SOX6: variants seen among roughly 807,000 people sequenced by gnomAD.
The protein encoded by SOX6 is SRY-box transcription factor 6.
Under a neutral mutation model 97.8 loss-of-function variants are expected in SOX6, and 11 were observed. The observed-to-expected ratio is 0.11, with a 90% confidence interval of 0.07 to 0.19. The LOEUF (loss-of-function observed/expected upper bound fraction) is 0.19, where lower values mean the gene tolerates loss of function less well. SOX6 is among the 10% of genes least tolerant of loss of function. The probability of loss-of-function intolerance (pLI) is 1.00; values close to 1 mark genes in which losing one functional copy is unlikely to be tolerated. For missense variants in SOX6, 810 were observed against 1,039.5 expected (o/e 0.78, Z 3.04); for synonymous variants, 360 against 371.4 (o/e 0.97, Z 0.35).
At chr11:16,406,472 T>C (rs949689081) in intron 1 of SOX6, among the ~76,000 whole-genome samples, 3 of 152,126 alleles carry the variant, frequency 2.0e-5, no homozygotes, top group African/African-American at 7.2e-5. Flanking sequence ...ACTGGTATAA[T>C]TCAACTCTGC....
At chr11:16,155,037 C>T (rs1364520781) in intron 6 of SOX6, among the ~76,000 whole-genome samples, 1 of 150,854 alleles carries the variant, frequency 6.6e-6, no homozygotes. Context: ...GAGTGTGGGT[C>T]AGACTGATTG....
intron 3 of SOX6, among the ~76,000 whole-genome samples, chr11:16,693,565 T>G (rs1848031660): frequency 6.6e-6 from 1 of 152,132 alleles, no homozygotes; most frequent in African/African-American, 2.4e-5. Context: ...AAGCTTTAAC[T>G]TTTCATGGAA....
intron 13 of SOX6, among the ~76,000 whole-genome samples, chr11:16,005,759 T>G (rs950214281): frequency 3.9e-5 from 6 of 152,064 alleles, no homozygotes. Context: ...TTGAACATAT[T>G]TCTTATGAAA....
chr11:16,500,908 C>A (rs1330243263), intron 4 of SOX6, among the ~76,000 whole-genome samples: 1 of 152,090 alleles, frequency 6.6e-6, no homozygotes, highest in Non-Finnish European at 1.5e-5. Context: ...AGATTCAATG[C>A]TATCCCCATC....
At chr11:16,024,837 T>G (rs936468616) in intron 12 of SOX6, among the ~76,000 whole-genome samples, 1 of 152,056 alleles carries the variant, frequency 6.6e-6, no homozygotes, top group African/African-American at 2.4e-5. Context: ...TTCAAAAACA[T>G]TCTCCAATGA....
chr11:16,125,097 A>C (rs1322787027), intron 6 of SOX6, among the ~76,000 whole-genome samples: 3 of 152,098 alleles, frequency 2.0e-5, no homozygotes, highest in Non-Finnish European at 2.9e-5. Context: ...GACTGACTAA[A>C]ATATGATCTT....
intron 4 of SOX6, among the ~76,000 whole-genome samples, chr11:16,232,974 C>T (rs1006263439): frequency 1.3e-5 from 2 of 151,738 alleles, no homozygotes; most frequent in African/African-American, 2.4e-5. Flanking sequence ...CCACTGGTTT[C>T]GATACATAAT....
intron 6 of SOX6, among the ~76,000 whole-genome samples, chr11:16,151,282 CAG>C (rs1850451628): frequency 6.6e-6 from 1 of 152,088 alleles, no homozygotes; most frequent in Admixed American, 6.6e-5. Context: ...ATTTGCCTCT[CAG>C]AGCTGACAAT....
At chr11:16,309,483 A>G (rs1287958229) in intron 3 of SOX6, among the ~76,000 whole-genome samples, 1 of 152,144 alleles carries the variant, frequency 6.6e-6, no homozygotes, top group Admixed American at 6.5e-5. Flanking sequence ...TTAGCGACCG[A>G]TTGGAAACTA....
intron 12 of SOX6, among the ~76,000 whole-genome samples, chr11:16,015,701 T>C (rs1361682291): frequency 1.3e-5 from 2 of 151,998 alleles, no homozygotes; most frequent in Non-Finnish European, 2.9e-5. Flanking sequence ...TCACCAGTTC[T>C]TCTAGGAGTA....
chr11:16,142,471 C>A (rs2134041533), intron 6 of SOX6, among the ~76,000 whole-genome samples: 1 of 152,280 alleles, frequency 6.6e-6, no homozygotes, highest in South Asian at 2.1e-4. Flanking sequence ...GAACACAGCT[C>A]CTCACCAGCA....
chr11:16,551,480 C>T (rs1176022158), intron 4 of SOX6, among the ~76,000 whole-genome samples: 1 of 152,110 alleles, frequency 6.6e-6, no homozygotes, highest in Non-Finnish European at 1.5e-5. Context: ...CTCCAATCTA[C>T]AAGTCACACA....
At chr11:16,597,966 T>G (rs904571001) in intron 4 of SOX6, among the ~76,000 whole-genome samples, 36 of 152,010 alleles carry the variant, frequency 2.4e-4, no homozygotes, top group African/African-American at 8.7e-4. Context: ...GCTATTTCTA[T>G]TTTACATAAG....
intron 3 of SOX6, among the ~76,000 whole-genome samples, chr11:16,701,136 T>C (rs1394320645): frequency 6.6e-6 from 1 of 152,218 alleles, no homozygotes; most frequent in African/African-American, 2.4e-5. Flanking sequence ...CTATAATCAT[T>C]ACCATTCATA....
chr11:16,684,974 G>C (rs181708305), intron 3 of SOX6, among the ~76,000 whole-genome samples: 7 of 152,088 alleles, frequency 4.6e-5, no homozygotes, highest in African/African-American at 1.7e-4. Flanking sequence ...CAAGAGGTGC[G>C]TAAGGTGCCA....
rs750132959 is a variant in SOX6 at position 16,132,279 on chromosome 11, GA to G, written c.778-20357del. ...AGAAAGAAAGAAAGAAGGAAGGAAG[GA>G]AGGAAGGAAGGAAGGAAGGAAGGAA... On this transcript the variant is annotated intron_variant, in intron 6 of 15. Coordinates refer to ENST00000683767, the MANE Select transcript of SOX6 (RefSeq NM_001367873.1). 8.0e-3 allele frequency among the ~76,000 whole-genome samples: 211 copies of G among 26,398 alleles called. 2 individuals are homozygous for G. Among genetic ancestry groups the G allele is most frequent in the Middle Eastern group, 0.025 (1 of 40 alleles). 17.3% of individuals were successfully genotyped at this position (26,398 alleles called of 152,430 possible).
At chr11:16,483,372 A>G (rs1360365080) in intron 4 of SOX6, among the ~76,000 whole-genome samples, 4 of 152,174 alleles carry the variant, frequency 2.6e-5, no homozygotes, top group African/African-American at 9.6e-5. Context: ...TCACAAAAGC[A>G]CTTTTTATTT....
chr11:16,363,338 T>G (rs936859416), intron 1 of SOX6, among the ~76,000 whole-genome samples: 1 of 152,138 alleles, frequency 6.6e-6, no homozygotes, highest in Non-Finnish European at 1.5e-5. Flanking sequence ...ATCTGAAAAT[T>G]TTTGAGCTCT....
chr11:16,391,349 G>C (rs542854222), intron 1 of SOX6, among the ~76,000 whole-genome samples: 15 of 152,170 alleles, frequency 9.9e-5, no homozygotes, highest in African/African-American at 3.6e-4. Context: ...ATAAAAAAAA[G>C]AAAACCTTCC....
Sources: allele counts gnomAD v4.1 joint callset (sites outside exome capture counted in the v4.1 genomes callset), GRCh38; gene constraint gnomAD v4.1.1; transcripts MANE v1.5; gene names NCBI Gene and HGNC (gene_info 2026-07-23, HGNC 2026-07-21).